B3GALT1: variants seen among roughly 807,000 people sequenced by gnomAD.
B3GALT1 encodes the protein UDP-Gal:betaGlcNAc beta 1,3-galactosyltransferase, polypeptide 1.
Under a neutral mutation model 23.2 loss-of-function variants are expected in B3GALT1, and 10 were observed. The ratio of observed to expected loss-of-function variants is 0.43; its 90% CI spans 0.27 to 0.73. The LOEUF is 0.73. Ranked by LOEUF, B3GALT1 falls within the 30% of genes least tolerant of loss-of-function variation. B3GALT1 has a pLI of 0.21. For synonymous variants in B3GALT1, 156 were observed against 141.5 expected (o/e 1.10, Z -0.73); for missense variants, 299 against 405.4 (o/e 0.74, Z 2.25).
intron 3 of B3GALT1, chr2:167,714,653 T>A: frequency 6.2e-7 from 1 of 1,613,910 alleles, no homozygotes; most frequent in Middle Eastern, 1.7e-4. Context: ...GAGGTTTCTT[T>A]CAGCAGTCCG....
At chr2:167,372,555 A>G (rs1187560869) in intron 1 of B3GALT1, among the ~76,000 whole-genome samples, 1 of 152,104 alleles carries the variant, frequency 6.6e-6, no homozygotes, top group Non-Finnish European at 1.5e-5. Context: ...ATGAAGAAAG[A>G]ATAAAAACAT....
intron 2 of B3GALT1, among the ~76,000 whole-genome samples, chr2:167,574,363 A>G (rs1280568447): frequency 6.6e-6 from 1 of 151,750 alleles, no homozygotes; most frequent in South Asian, 2.1e-4. Flanking sequence ...TTTTCTTAGC[A>G]TAAACATACC....
chr2:167,537,358 G>A (rs1683446322), intron 2 of B3GALT1, among the ~76,000 whole-genome samples: 1 of 151,792 alleles, frequency 6.6e-6, no homozygotes, highest in Non-Finnish European at 1.5e-5. Flanking sequence ...ATTTGGGTGG[G>A]GACACAGCCA....
chr2:167,852,509 T>A (rs1689922911), intron 4 of B3GALT1, among the ~76,000 whole-genome samples: 1 of 150,718 alleles, frequency 6.6e-6, no homozygotes, highest in Non-Finnish European at 1.5e-5. Context: ...TGTGTGTACG[T>A]GCTTATCATC....
chr2:167,522,317 G>A (rs1314566081), intron 2 of B3GALT1, among the ~76,000 whole-genome samples: 1 of 152,016 alleles, frequency 6.6e-6, no homozygotes, highest in African/African-American at 2.4e-5. Flanking sequence ...AGTCATTCAT[G>A]TGTGCCTGGG....
Position 167,562,661 on chromosome 2 carries a change from T to TA in B3GALT1, c.-410+72384_-410+72385insA, listed in dbSNP as rs1234475514. ...AATCACAAGCATTCTTTTTTTTTTT[T>TA]TTTTTAATTGATCATTCTTGGGTGT... On this transcript the variant is annotated intron_variant, in intron 2 of 4. Transcript: ENST00000392690. 4.0e-5 allele frequency among the ~76,000 whole-genome samples: 6 copies of TA among 151,688 alleles called. No homozygotes were observed. The East Asian group carries it at 1.2e-3, about 29-fold the overall frequency.
intron 2 of B3GALT1, among the ~76,000 whole-genome samples, chr2:167,596,637 TAAG>T (rs1684778578): frequency 6.6e-6 from 1 of 152,156 alleles, no homozygotes; most frequent in African/African-American, 2.4e-5. Flanking sequence ...CTCCGTCTCT[TAAG>T]TTTTTCCCCA....
intron 1 of B3GALT1, among the ~76,000 whole-genome samples, chr2:167,337,095 G>A (rs1295045047): frequency 2.0e-5 from 3 of 152,166 alleles, no homozygotes; most frequent in Non-Finnish European, 4.4e-5. Context: ...AGATCAGAAT[G>A]TTGGACAATA....
intron 2 of B3GALT1, among the ~76,000 whole-genome samples, chr2:167,506,029 C>A (rs1371743660): frequency 6.6e-6 from 1 of 151,968 alleles, no homozygotes; most frequent in Non-Finnish European, 1.5e-5. Context: ...CACTGCACTC[C>A]AGCCTGGGTG....
chr2:167,619,860 G>A (rs1685226005), intron 2 of B3GALT1, among the ~76,000 whole-genome samples: 1 of 152,090 alleles, frequency 6.6e-6, no homozygotes, highest in Non-Finnish European at 1.5e-5. Flanking sequence ...CAGATATGAT[G>A]TTAGGAATAG....
intron 2 of B3GALT1, among the ~76,000 whole-genome samples, chr2:167,608,745 A>G (rs1018529346): frequency 2.6e-5 from 4 of 152,200 alleles, no homozygotes; most frequent in Non-Finnish European, 5.9e-5. Flanking sequence ...TCAGCAAATC[A>G]TACATTTGGA....
chr2:167,480,607 A>C (rs1049407499), intron 1 of B3GALT1, among the ~76,000 whole-genome samples: 3 of 152,082 alleles, frequency 2.0e-5, no homozygotes, highest in Non-Finnish European at 4.4e-5. Flanking sequence ...AAAACAAAAA[A>C]CAAACAAACA....
intron 3 of B3GALT1, among the ~76,000 whole-genome samples, chr2:167,816,379 T>TTTAAG (rs1487144987): frequency 7.2e-5 from 11 of 151,868 alleles, no homozygotes; most frequent in Non-Finnish European, 1.5e-4. Context: ...CTAAGTAAGA[T>TTTAAG]TTAAGTTTTA....
At chr2:167,827,368 G>C (rs1024782326) in intron 4 of B3GALT1, among the ~76,000 whole-genome samples, 1 of 152,136 alleles carries the variant, frequency 6.6e-6, no homozygotes, top group African/African-American at 2.4e-5. Context: ...ACTCCTAAAG[G>C]CTGAGCACAC....
At chr2:167,568,782 T>C (rs1018415903) in intron 2 of B3GALT1, among the ~76,000 whole-genome samples, 1 of 151,976 alleles carries the variant, frequency 6.6e-6, no homozygotes, top group Admixed American at 6.6e-5. Context: ...ATTTTTTTTT[T>C]ATCTAAAGAG....
chr2:167,599,188 T>C (rs1351935720), intron 2 of B3GALT1, among the ~76,000 whole-genome samples: 1 of 152,222 alleles, frequency 6.6e-6, no homozygotes. Context: ...GGCTGTTAGC[T>C]ACAAAATACG....
At chr2:167,607,179 G>GA (rs775532742) in intron 2 of B3GALT1, among the ~76,000 whole-genome samples, 4 of 152,122 alleles carry the variant, frequency 2.6e-5, no homozygotes, top group Non-Finnish European at 4.4e-5. Context: ...GGTTCTACCT[G>GA]AAAAGGGAAA....
intron 3 of B3GALT1, among the ~76,000 whole-genome samples, chr2:167,755,358 T>C (rs946201466): frequency 2.6e-5 from 4 of 151,694 alleles, no homozygotes; most frequent in Non-Finnish European, 5.9e-5. Flanking sequence ...TAGAACACGA[T>C]TGGTTGATGT....
intron 3 of B3GALT1, among the ~76,000 whole-genome samples, chr2:167,710,434 A>G (rs1004631930): frequency 1.3e-5 from 2 of 152,214 alleles, no homozygotes; most frequent in African/African-American, 4.8e-5. Flanking sequence ...TTTTGCAGTG[A>G]AAATCCTGGC....
Sources: allele counts gnomAD v4.1 joint callset (sites outside exome capture counted in the v4.1 genomes callset), GRCh38; gene constraint gnomAD v4.1.1; transcripts MANE v1.5; gene names NCBI Gene and HGNC (gene_info 2026-07-23, HGNC 2026-07-21).